Variants in TIAM1 observed in about 807,000 individuals in gnomAD.
TIAM1 encodes TIAM Rac1 associated GEF 1, also known as rho guanine nucleotide exchange factor TIAM1.
Under a neutral mutation model 163.5 loss-of-function variants are expected in TIAM1, and 65 were observed. That is an observed-to-expected ratio of 0.40 (90% CI 0.33 to 0.49). The LOEUF is 0.49. Ranked by LOEUF, TIAM1 falls within the 20% of genes least tolerant of loss-of-function variation. The probability of loss-of-function intolerance (pLI) is 0.77; values close to 1 mark genes in which losing one functional copy is unlikely to be tolerated. For synonymous variants in TIAM1, 833 were observed against 810.1 expected, an observed-to-expected ratio of 1.03 and a Z score of -0.48; for missense variants, 1,789 against 2,044.7, an observed-to-expected ratio of 0.87 and a Z score of 2.41.
chr21:31,297,464 G>A (rs145609154), intron 2 of TIAM1, among the ~76,000 whole-genome samples: 285 of 152,282 alleles, frequency 1.9e-3, no homozygotes, highest in South Asian at 0.012. Context: ...GCGAGATCTC[G>A]GCTCACTGCA....
intron 2 of TIAM1, among the ~76,000 whole-genome samples, chr21:31,454,393 G>A (rs566079660): frequency 1.2e-3 from 176 of 152,318 alleles, no homozygotes; most frequent in African/African-American, 3.8e-3. Context: ...AAAACAACAT[G>A]TGTACTATGA....
chr21:31,194,100 C>T (rs1042758681), intron 13 of TIAM1, among the ~76,000 whole-genome samples: 1 of 151,950 alleles, frequency 6.6e-6, no homozygotes, highest in African/African-American at 2.4e-5. Context: ...GCACCCCTCT[C>T]TCTCTGCAGG....
intron 6 of TIAM1, among the ~76,000 whole-genome samples, chr21:31,243,078 G>A (rs1342472692): frequency 1.3e-5 from 2 of 149,620 alleles, no homozygotes; most frequent in Non-Finnish European, 3.0e-5. Context: ...TGTAATCCCA[G>A]CTGCTTGGGA....
In TIAM1 at chr21:31,152,021, C is replaced by CT. The variant is rs754817467; in HGVS notation, c.3366+614dup. Among the ~76,000 whole-genome samples the CT allele has an allele frequency of 3.5e-3, 391 of 112,284 alleles. 10 individuals are homozygous for CT. The highest frequency in any genetic ancestry group is 5.6e-3 in the Middle Eastern group (1 of 180). The allele number at this position is 112,284 out of a possible 152,430, so 73.7% of individuals were successfully genotyped here. A position where few individuals can be genotyped will look rare whatever the true frequency, so the allele number is the denominator to read the frequency against. The stretch of plus-strand genomic sequence containing the variant: ...TTGTTTACTGGGTAACCAGAAGTGC[C>CT]TTTTTTTTTTTTTTTTTTTTTTTTT... On this transcript the variant is annotated intron_variant, in intron 19 of 27. Coordinates refer to ENST00000541036, the MANE Select transcript of TIAM1 (RefSeq NM_001353694.2).
intron 1 of TIAM1, among the ~76,000 whole-genome samples, chr21:31,500,547 T>G (rs1168133751): frequency 2.6e-5 from 4 of 152,158 alleles, no homozygotes; most frequent in Non-Finnish European, 5.9e-5. Context: ...GAATATGACC[T>G]TATCTGGAAA....
chr21:31,260,756 T>C (rs2072423840), intron 4 of TIAM1, among the ~76,000 whole-genome samples: 1 of 148,586 alleles, frequency 6.7e-6, no homozygotes, highest in Admixed American at 6.7e-5. Flanking sequence ...AAAAAGGGTG[T>C]TTTAAAAATC....
At chr21:31,245,770 G>A (rs1438390795) in intron 5 of TIAM1, 110 bp from the exon 6 acceptor site, 48 of 1,050,718 alleles carry the variant, frequency 4.6e-5, no homozygotes, top group East Asian at 1.3e-4. Context: ...ATTAAAGCAC[G>A]TGGAACCCAG....
rs10523425 is a variant in TIAM1 at position 31,482,060 on chromosome 21, A to AGTGTGTGTGTGTGTGTGTGTGT, written c.-421-18047_-421-18026dup. On this transcript the variant is annotated intron_variant, in intron 1 of 28. Coordinates refer to the TIAM1 transcript ENST00000286827. Reference sequence around the variant, plus strand: ...AACTGTGTGCCAGGAACTGGGACAAAGTGTGTGTGTGTGTGTGTGTGTGTG... The same window carrying AGTGTGTGTGTGTGTGTGTGTGT: ...AACTGTGTGCCAGGAACTGGGACAAAGTGTGTGTGTGTGTGTGTGTGTGTGTGTGTGTGTGTGTGTGTGTGTG... Among the ~76,000 whole-genome samples, 171 of 145,706 alleles carry AGTGTGTGTGTGTGTGTGTGTGT rather than the reference A, an allele frequency of 1.2e-3. 1 individual carries two copies. The highest frequency in any genetic ancestry group is 4.1e-3 in the African/African-American group (157 of 38,624).
At chr21:31,393,948 C>A (rs1272858138) in intron 2 of TIAM1, among the ~76,000 whole-genome samples, 1 of 151,958 alleles carries the variant, frequency 6.6e-6, no homozygotes, top group African/African-American at 2.4e-5. Context: ...AAATGTTATA[C>A]AATAAAGCAC....
chr21:31,512,297 C>T (rs1337281108), intron 1 of TIAM1, among the ~76,000 whole-genome samples: 1 of 151,808 alleles, frequency 6.6e-6, no homozygotes, highest in Non-Finnish European at 1.5e-5. Flanking sequence ...TGGGGCCTCC[C>T]CTGTGTTGCC....
At position 31,266,416 on chromosome 21, in the gene TIAM1, G is replaced by C; in HGVS notation, c.557C>G (p.Ser186Cys). ...WREDSLEFSL[S>C]DLSQEHLTSN... ...TGTTAAATGTTCTTGGCTCAGATCA[G>C]AGAGTGAGAATTCCAGGCTGTCCTC... The change falls in exon 4 of 28, where the codon TCT (serine) becomes TGT (cysteine). Residue 186 changes from serine to cysteine, a missense_variant. Ser to Cys is a moderately radical substitution (Grantham distance 112, BLOSUM62 -1). Around this residue, in one of 5 missense-constraint regions of TIAM1, gnomAD observed 555 missense variants for 564.9 expected, o/e 0.98. Coordinates refer to ENST00000541036, the MANE Select transcript of TIAM1 (RefSeq NM_001353694.2). 6.2e-7 allele frequency: 1 copy of C among 1,614,244 alleles called. No homozygotes were observed. Among genetic ancestry groups the C allele is most frequent in the Non-Finnish European group, 8.5e-7 (1 of 1,180,054 alleles).
At chr21:31,483,847 A>C (rs1003566341) in intron 1 of TIAM1, among the ~76,000 whole-genome samples, 2 of 152,002 alleles carry the variant, frequency 1.3e-5, no homozygotes, top group Non-Finnish European at 2.9e-5. Flanking sequence ...GCAGCCTTGG[A>C]AAAAGGGACT....
chr21:31,443,822 G>A (rs932571341), intron 2 of TIAM1, among the ~76,000 whole-genome samples: 7 of 152,184 alleles, frequency 4.6e-5, no homozygotes, highest in African/African-American at 1.7e-4. Flanking sequence ...TAAGCTCAGA[G>A]CATCCCTATC....
chr21:31,395,792 T>C lies in TIAM1; in HGVS notation c.-368-56370A>G, dbSNP rs939823384. On this transcript the variant is annotated intron_variant, in intron 2 of 28. Transcript: ENST00000286827. This position sits in a 1 kb window ranked among gnomAD's most constrained non-coding sequence, Gnocchi z 7.5. ...AAGGACGTGAGATGCATGGAATTAA[T>C]GAACAACTATCTGTGAAAATCTATC... Among the ~76,000 whole-genome samples, 1 of 152,140 alleles carries C rather than the reference T, an allele frequency of 6.6e-6. No individual in the cohort carries two copies. The highest frequency in any genetic ancestry group is 2.4e-5 in the African/African-American group (1 of 41,434).
At chr21:31,140,088 T>C (rs541125921) in intron 22 of TIAM1, among the ~76,000 whole-genome samples, 1 of 152,348 alleles carries the variant, frequency 6.6e-6, no homozygotes, top group Admixed American at 6.5e-5. Flanking sequence ...TGAGAGGTCA[T>C]AATTTTACCT....
At chr21:31,413,470 C>A (rs970967726) in intron 2 of TIAM1, among the ~76,000 whole-genome samples, 3 of 151,860 alleles carry the variant, frequency 2.0e-5, no homozygotes, top group African/African-American at 7.3e-5. Flanking sequence ...CGGGGTTTCA[C>A]CGTGTTAGCC....
chr21:31,167,448 A>C (rs189009367), intron 15 of TIAM1, among the ~76,000 whole-genome samples: 24 of 152,312 alleles, frequency 1.6e-4, no homozygotes, highest in African/African-American at 5.8e-4. Flanking sequence ...ATAAATCTAC[A>C]AAACACTTAG....
intron 2 of TIAM1, among the ~76,000 whole-genome samples, chr21:31,405,812 G>A (rs1459587410): frequency 6.6e-6 from 1 of 152,118 alleles, no homozygotes; most frequent in Non-Finnish European, 1.5e-5. Context: ...GATTTGGGTA[G>A]GCGACACAGA....
At chr21:31,202,088 C>A (rs192569905) in intron 12 of TIAM1, among the ~76,000 whole-genome samples, 60 of 151,878 alleles carry the variant, frequency 4.0e-4, no homozygotes, top group African/African-American at 1.4e-3. Context: ...TGTAAATGTC[C>A]CCGAGAAGCT....
Sources: allele counts gnomAD v4.1 joint callset (sites outside exome capture counted in the v4.1 genomes callset), GRCh38; gene constraint gnomAD v4.1.1; regional missense constraint gnomAD v4.1.1; non-coding constraint Gnocchi (gnomAD v3.1); transcripts MANE v1.5; gene names NCBI Gene and HGNC (gene_info 2026-07-23, HGNC 2026-07-21).